KLHL3: variants seen among roughly 807,000 people sequenced by gnomAD.
The protein encoded by KLHL3 is kelch like family member 3.
In KLHL3, 19 loss-of-function variants were observed where a neutral mutation model predicts 70.5. The ratio of observed to expected loss-of-function variants is 0.27; its 90% CI spans 0.19 to 0.40. The LOEUF (loss-of-function observed/expected upper bound fraction) is 0.40. KLHL3 is among the 10% of genes least tolerant of loss of function. KLHL3 has a pLI of 1.00. For synonymous variants in KLHL3, 258 were observed against 290.3 expected (o/e 0.89, Z 1.13); for missense variants, 512 against 771.1 (o/e 0.66, Z 3.98).
At chr5:137,671,872 G>A (rs1185561285) in intron 6 of KLHL3, 1 of 152,110 alleles carries the variant, frequency 6.6e-6, no homozygotes, top group Non-Finnish European at 1.5e-5. Context: ...TGCTAGTTAT[G>A]TGGGTGTTTT....
chr5:137,691,221 A>G (rs985454952), intron 5 of KLHL3, among the ~76,000 whole-genome samples: 1 of 152,256 alleles, frequency 6.6e-6, no homozygotes, highest in Non-Finnish European at 1.5e-5. Flanking sequence ...TGCAAGAGAA[A>G]AAGACAATTA....
Position 137,677,658 on chromosome 5 carries a change from T to C in KLHL3, c.527-4A>G. On this transcript the variant is annotated splice_region_variant and splice_polypyrimidine_tract_variant and intron_variant, in intron 5 of 14. Transcript: ENST00000309755. Reference sequence around the variant, plus strand: ...ATCACCTCTGGAAAGTGCTGCTCTGTTCCAAAAAAAAAAAAAAGAAGTTAA... The same window carrying C: ...ATCACCTCTGGAAAGTGCTGCTCTGCTCCAAAAAAAAAAAAAAGAAGTTAA... 1 of 1,528,776 alleles carries C rather than the reference T, an allele frequency of 6.5e-7. No individual in the cohort carries two copies. Among genetic ancestry groups the C allele is most frequent in the Non-Finnish European group, 8.8e-7 (1 of 1,138,826 alleles). The allele number at this position is 1,528,776 out of a possible 1,614,324, so 94.7% of individuals were successfully genotyped here.
At chr5:137,624,314 A>C (rs570964489) in intron 14 of KLHL3, among the ~76,000 whole-genome samples, 60 of 152,332 alleles carry the variant, frequency 3.9e-4, no homozygotes, top group Middle Eastern at 3.4e-3. Flanking sequence ...TGAAATATTC[A>C]GCATATATAT....
intron 12 of KLHL3, among the ~76,000 whole-genome samples, chr5:137,630,787 G>A (rs1750615478): frequency 1.3e-5 from 2 of 152,128 alleles, no homozygotes; most frequent in Admixed American, 1.3e-4. Context: ...GCAAATGACA[G>A]CAGACCCAGC....
intron 1 of KLHL3, chr5:137,725,102 T>A: frequency 1.0e-6 from 1 of 977,316 alleles, no homozygotes; most frequent in Non-Finnish European, 1.2e-6. Flanking sequence ...GATTGCCCCA[T>A]CCCCACCCTA....
intron 4 of KLHL3, 39 bp from the exon 5 acceptor site, chr5:137,692,486 C>A: frequency 6.2e-7 from 1 of 1,600,220 alleles, no homozygotes. Flanking sequence ...TTGGATCCCA[C>A]TGGCAGAGAC....
chr5:137,666,030 T>A (rs1190641333), intron 6 of KLHL3, among the ~76,000 whole-genome samples: 1 of 152,234 alleles, frequency 6.6e-6, no homozygotes, highest in Non-Finnish European at 1.5e-5. Flanking sequence ...GGAACTCTTA[T>A]CGAGCTATGT....
chr5:137,692,094 A>G (rs1752337048), intron 5 of KLHL3, among the ~76,000 whole-genome samples, 191 bp downstream of exon 5: 1 of 152,212 alleles, frequency 6.6e-6, no homozygotes, highest in African/African-American at 2.4e-5. Context: ...TCCCCTTGGC[A>G]ATTAATCATT....
chr5:137,702,477 C>T (rs1056559370), intron 3 of KLHL3, among the ~76,000 whole-genome samples: 1 of 152,126 alleles, frequency 6.6e-6, no homozygotes, highest in African/African-American at 2.4e-5. Flanking sequence ...GGCTGGAGCA[C>T]ATTAGGGAAG....
chr5:137,717,720 A>T (rs1395943206), intron 2 of KLHL3, among the ~76,000 whole-genome samples: 1 of 152,220 alleles, frequency 6.6e-6, no homozygotes, highest in Non-Finnish European at 1.5e-5. Flanking sequence ...GCTCATTTGT[A>T]TATTCTAAAT....
intron 11 of KLHL3, 100 bp downstream of exon 11, chr5:137,637,193 GA>G (rs377740079): frequency 1.4e-5 from 13 of 929,992 alleles, no homozygotes; most frequent in Admixed American, 5.7e-5. Context: ...GTGATCTCAG[GA>G]AAAAAAACAC....
intron 2 of KLHL3, among the ~76,000 whole-genome samples, chr5:137,712,779 T>A (rs1048132030): frequency 2.0e-5 from 3 of 152,110 alleles, no homozygotes; most frequent in African/African-American, 7.2e-5. Flanking sequence ...AGTTCAAGCC[T>A]CTCAAACCTC....
chr5:137,675,518 G>A (rs888021537), intron 6 of KLHL3, among the ~76,000 whole-genome samples: 1 of 152,054 alleles, frequency 6.6e-6, no homozygotes, highest in Admixed American at 6.6e-5. Flanking sequence ...CTCTATAGAG[G>A]AGGGACTCAG....
At chr5:137,711,817 G>A (rs1219586559) in intron 2 of KLHL3, among the ~76,000 whole-genome samples, 1 of 152,084 alleles carries the variant, frequency 6.6e-6, no homozygotes, top group Non-Finnish European at 1.5e-5. Flanking sequence ...TTCTAAAATT[G>A]TATTTCCAAC....
At chr5:137,633,211 G>A (rs2882064) in intron 12 of KLHL3, among the ~76,000 whole-genome samples, 52,117 of 147,942 alleles carry the variant, frequency 0.35, 9,827 homozygotes, top group East Asian at 0.53. Context: ...CCCGGGAGGC[G>A]GAGCTTGCAG....
chr5:137,697,225 G>A (rs1047438650), intron 4 of KLHL3, among the ~76,000 whole-genome samples: 16 of 151,444 alleles, frequency 1.1e-4, no homozygotes, highest in Non-Finnish European at 2.1e-4. Flanking sequence ...GTGCAGTGGT[G>A]CAGTCTCAGC....
At chr5:137,627,310 T>C (rs1259278436) in intron 13 of KLHL3, among the ~76,000 whole-genome samples, 2 of 152,148 alleles carry the variant, frequency 1.3e-5, no homozygotes, top group East Asian at 3.8e-4. Context: ...AATAGAAATA[T>C]CTATGTATGA....
intron 4 of KLHL3, 77 bp downstream of exon 4, chr5:137,698,210 G>A (rs998955119): frequency 6.4e-7 from 1 of 1,558,178 alleles, no homozygotes; most frequent in East Asian, 2.3e-5. Context: ...TTGTTGTGAG[G>A]GTTAAATAAA....
chr5:137,732,142 T>G (rs1753188289), intron 1 of KLHL3, among the ~76,000 whole-genome samples: 1 of 152,202 alleles, frequency 6.6e-6, no homozygotes, highest in Non-Finnish European at 1.5e-5. Context: ...CAAGGGCAAC[T>G]GCCATTTCTG....
Sources: gnomAD v4.1 joint callset for allele counts (sites outside exome capture counted in the v4.1 genomes callset) on GRCh38, gnomAD v4.1.1 for gene constraint, MANE v1.5 for transcripts, NCBI Gene and HGNC (gene_info 2026-07-23, HGNC 2026-07-21) for gene names.